The following GNRH2 variants were observed in gnomAD, a reference collection of about 807,000 sequenced individuals.
GNRH2 encodes the protein gonadotropin releasing hormone 2, also known as progonadoliberin-2.
In GNRH2, 15 loss-of-function variants were observed where a neutral mutation model predicts 12.1. That is an observed-to-expected ratio of 1.24 (90% CI 0.83 to 1.90). The LOEUF (loss-of-function observed/expected upper bound fraction) is 1.90, where lower values mean the gene tolerates loss of function less well. Ranked by LOEUF, GNRH2 falls within the 40% of genes most tolerant of loss-of-function variation. The pLI, the probability that GNRH2 is intolerant of heterozygous loss-of-function variation, is 0.00. For missense variants in GNRH2, 143 were observed against 141.4 expected, an observed-to-expected ratio of 1.01 and a Z score of -0.06; for synonymous variants, 60 against 62.0, an observed-to-expected ratio of 0.97 and a Z score of 0.15.
intron 3 of GNRH2, 46 bp from the exon 4 acceptor site, chr20:3,045,640 A>G (rs767016613): frequency 6.5e-7 from 1 of 1,534,142 alleles, no homozygotes; most frequent in Non-Finnish European, 9.0e-7. Flanking sequence ...CTCGGCGGTT[A>G]CGAGACCAGT....
chr20:3,045,060 C>T (rs1428265081), intron 3 of GNRH2, among the ~76,000 whole-genome samples: 1 of 152,186 alleles, frequency 6.6e-6, no homozygotes, highest in Admixed American at 6.5e-5. Flanking sequence ...TTACAAAGCA[C>T]TTGGGTTAAA....
chr20:3,044,175 C>T (rs2065960980), intron 1 of GNRH2: 1 of 513,488 alleles, frequency 1.9e-6, no homozygotes, highest in Non-Finnish European at 3.5e-6. Context: ...AGCCTCTGTG[C>T]CCCAGGCTCA....
At chr20:3,044,194 G>C (rs1042524863) in intron 1 of GNRH2, 1 of 547,076 alleles carries the variant, frequency 1.8e-6, no homozygotes. Context: ...CAGGGAGAAG[G>C]CTCGTCCCCT....
Position 3,044,692 on chromosome 20 carries a change from C to A in GNRH2, c.155-8C>A. On this transcript the variant is annotated splice_polypyrimidine_tract_variant and splice_region_variant and intron_variant, in intron 2 of 3. Transcript: ENST00000359100. Reference sequence around the variant, plus strand: ...TTCCCTTCTAAGGAAGGGCCCTGGACACTGCAGCAGGCAGCCCAGTCCAGA... The same window carrying A: ...TTCCCTTCTAAGGAAGGGCCCTGGAAACTGCAGCAGGCAGCCCAGTCCAGA... 6.2e-7 allele frequency: 1 copy of A among 1,609,030 alleles called. No homozygotes were observed. The highest frequency in any genetic ancestry group is 8.5e-7 in the Non-Finnish European group (1 of 1,176,904).
rs768885244 is a variant in GNRH2, at chr20:3,044,784, C to T, written c.239C>T (p.Thr80Ile). 1.9e-6 allele frequency: 3 copies of T among 1,612,700 alleles called. No individual in the cohort carries two copies. In the East Asian group the frequency reaches 6.7e-5, roughly 36 times the overall value. ...LDDSMPWEGR[T>I]TAQWSLHRKR... ...GACAGCATGCCCTGGGAGGGCAGGA[C>T]CACGGCCCAGTGGTCCCTTCACAGG... is the stretch of plus-strand genomic sequence containing the variant. Residue 80 changes from threonine to isoleucine, a missense_variant, in exon 3 of 4, where the codon ACC becomes ATC. Transcript: ENST00000359100.
Position 3,045,700 on chromosome 20 carries a change from G to T in GNRH2, c.306G>T (p.Glu102Asp), listed in dbSNP as rs1413394504. ...TCCCTCCGCAGACCGCAGCCCGAGA[G>T]CCCCGCCCCGCCCCGCCATCCTCCA... ...LARTLLTAAR[E>D]PRPAPPSSNK... The change falls in exon 4 of 4, where the codon GAG (glutamate) becomes GAT (aspartate). Residue 102 changes from glutamate (E) to aspartate (D), a missense_variant. Glu to Asp is a conservative substitution (Grantham distance 45). Transcript: ENST00000359100. The T allele has an allele frequency of 6.5e-7, 1 of 1,539,336 alleles. No homozygotes were observed. Among genetic ancestry groups the T allele is most frequent in the African/African-American group, 1.5e-5 (1 of 68,832 alleles).
rs924533992 is a variant in GNRH2, at chr20:3,045,591, TG to T, written c.292-88del. On this transcript the variant is annotated intron_variant, in intron 3 of 3. Coordinates refer to ENST00000359100, the MANE Select transcript of GNRH2 (RefSeq NM_178331.2). The stretch of plus-strand genomic sequence containing the variant: ...CTGCTGTGGGAGGCCACATGGGGAC[TG>T]GGGGGGACGAGAGGGGAGAGAACCA... 1.9e-4 allele frequency: 192 copies of T among 1,004,052 alleles called. No individual in the cohort carries two copies. The African/African-American group carries it at 2.3e-3, about 12-fold the overall frequency. The allele number at this position is 1,004,052 out of a possible 1,614,324, so 62.2% of individuals were successfully genotyped here.
intron 3 of GNRH2, 86 bp from the exon 4 acceptor site, chr20:3,045,600 C>T: frequency 8.7e-7 from 1 of 1,155,790 alleles, no homozygotes; most frequent in South Asian, 1.3e-5. Flanking sequence ...CTGGGGGGGA[C>T]GAGAGGGGAG....
intron 3 of GNRH2, 24 bp from the exon 4 acceptor site, chr20:3,045,662 T>A: frequency 6.2e-7 from 1 of 1,603,196 alleles, no homozygotes. Context: ...TCCTGAGACA[T>A]GACCGCCACC....
At chr20:3,045,250 G>T (rs1042996549) in intron 3 of GNRH2, among the ~76,000 whole-genome samples, 1 of 152,138 alleles carries the variant, frequency 6.6e-6, no homozygotes, top group Non-Finnish European at 1.5e-5. Flanking sequence ...AGAGGACCAG[G>T]TGGTGACTGA....
rs968015569 is a variant in GNRH2, at chr20:3,045,614, A to C, written c.292-72A>C. The stretch of plus-strand genomic sequence containing the variant: ...ACTGGGGGGGACGAGAGGGGAGAGA[A>C]CCAGGAAGATGGCAGCTCGGCGGTT... On this transcript the variant is annotated intron_variant, in intron 3 of 3. Coordinates refer to ENST00000359100, the MANE Select transcript of GNRH2 (RefSeq NM_178331.2). The C allele has an allele frequency of 1.3e-5, 17 of 1,312,356 alleles. No individual in the cohort carries two copies. In the Admixed American group the frequency reaches 1.9e-4, roughly 15 times the overall value. 81.3% of individuals were successfully genotyped at this position (1,312,356 alleles called of 1,614,324 possible).
intron 1 of GNRH2, chr20:3,044,047 T>C (rs1725050515): frequency 4.2e-6 from 1 of 236,530 alleles, no homozygotes; most frequent in Non-Finnish European, 8.5e-6. Context: ...CTCCCATCCA[T>C]TGGCCTGAAT....
chr20:3,044,562 C>T lies in GNRH2; in HGVS notation c.148C>T (p.Pro50Ser), dbSNP rs553735516. 6.2e-7 allele frequency: 1 copy of T among 1,613,614 alleles called. No homozygotes were observed. Among genetic ancestry groups the T allele is most frequent in the Non-Finnish European group, 8.5e-7 (1 of 1,179,872 alleles). The part of the protein sequence containing the change: ...SAQDPQNALR[P>S]PAGSPVQTAH... ...CCAGGATCCCCAGAATGCCCTTAGG[C>T]CCCCAGGTGGGTGTCTCCCAGCCTC... Residue 50 changes from proline to serine, a missense_variant, in exon 2 of 4, where the codon CCC becomes TCC. Pro to Ser is a moderately conservative substitution (Grantham distance 74). Transcript: ENST00000359100.
rs377637723 is a variant in GNRH2 at position 3,044,476 on chromosome 20, C to A, written c.62C>A (p.Ser21Ter). 16 of 1,613,572 alleles carry A rather than the reference C, an allele frequency of 9.9e-6. No homozygotes were observed. The East Asian group carries it at 3.3e-4, about 34-fold the overall frequency. Residue 21 changes from serine (S) to a stop codon, truncating the protein, a stop_gained, in exon 2 of 4, where the codon TCA (serine) becomes TAA (stop). Coordinates refer to ENST00000359100, the MANE Select transcript of GNRH2 (RefSeq NM_178331.2). LOFTEE classifies it high-confidence loss of function. ...LLLLTAHLGP[S>*]EAQHWSHGWY... is the part of the protein sequence containing the mutation. Reference sequence around the variant, plus strand: ...CTGCTGACTGCCCACCTTGGACCCTCAGAGGCTCAGCACTGGTCCCATGGC... The same window carrying A: ...CTGCTGACTGCCCACCTTGGACCCTAAGAGGCTCAGCACTGGTCCCATGGC...
chr20:3,044,786 A>G lies in GNRH2; in HGVS notation c.241A>G (p.Thr81Ala), dbSNP rs774536105. Residue 81 changes from threonine to alanine, a missense_variant, in exon 3 of 4, where the codon ACG becomes GCG. By Grantham distance (58) the Thr-to-Ala change is moderately conservative. Transcript: ENST00000359100. Reference sequence around the variant, plus strand: ...CAGCATGCCCTGGGAGGGCAGGACCACGGCCCAGTGGTCCCTTCACAGGAA... The same window carrying G: ...CAGCATGCCCTGGGAGGGCAGGACCGCGGCCCAGTGGTCCCTTCACAGGAA... The part of the protein sequence containing the change: ...DDSMPWEGRT[T>A]AQWSLHRKRH... The G allele has an allele frequency of 1.1e-5, 18 of 1,612,600 alleles. No homozygotes were observed. In the African/African-American group the frequency reaches 2.3e-4, roughly 20 times the overall value.
intron 1 of GNRH2, 95 bp from the exon 2 acceptor site, chr20:3,044,313 C>T (rs1216316024): frequency 3.1e-5 from 29 of 948,096 alleles, no homozygotes; most frequent in Non-Finnish European, 4.6e-5. Context: ...ACCAAAGCTG[C>T]CCCTGAGATG....
At chr20:3,045,055 A>G (rs929981824) in intron 3 of GNRH2, among the ~76,000 whole-genome samples, 4 of 152,176 alleles carry the variant, frequency 2.6e-5, no homozygotes, top group African/African-American at 9.7e-5. Flanking sequence ...ACAATTTACA[A>G]AGCACTTGGG....
At position 3,044,131 on chromosome 20, in the gene GNRH2, A is replaced by G. The variant is rs576648618; in HGVS notation, c.-7-277A>G. The G allele has an allele frequency of 1.6e-5, 7 of 442,692 alleles. No individual in the cohort carries two copies. In the East Asian group the frequency reaches 2.2e-4, roughly 14 times the overall value. The allele number at this position is 442,692 out of a possible 1,614,324, so 27.4% of individuals were successfully genotyped here. ...GAAGGAAAGATGGATGGACCTGGAC[A>G]AGTGGGAGGGCCCTCAGAGCTGGCA... On this transcript the variant is annotated intron_variant, in intron 1 of 3. Coordinates refer to ENST00000359100, the MANE Select transcript of GNRH2 (RefSeq NM_178331.2).
At chr20:3,043,840 T>G (rs1421784221) in intron 1 of GNRH2, among the ~76,000 whole-genome samples, 175 bp downstream of exon 1, 1 of 152,150 alleles carries the variant, frequency 6.6e-6, no homozygotes, top group Non-Finnish European at 1.5e-5. Flanking sequence ...TTGTGCTTGT[T>G]GCCCCTGGCA....
Sources: gnomAD v4.1 joint callset for allele counts (sites outside exome capture counted in the v4.1 genomes callset) on GRCh38, gnomAD v4.1.1 for gene constraint, MANE v1.5 for transcripts, NCBI Gene and HGNC (gene_info 2026-07-23, HGNC 2026-07-21) for gene names.